The following GALNT13 variants were observed in gnomAD, a reference collection of about 807,000 sequenced individuals.
GALNT13 encodes polypeptide N-acetylgalactosaminyltransferase 13, also known as UDP-GalNAc:polypeptide N-acetylgalactosaminyltransferase 13.
GALNT13 carries 28 observed loss-of-function variants against 64.2 expected under a neutral mutation model. That is an observed-to-expected ratio of 0.44 (90% confidence interval 0.32 to 0.60). The LOEUF is 0.60. Among genes scored for constraint, GALNT13 ranks in the 20% least tolerant of loss-of-function variants. GALNT13 has a pLI of 0.05. For synonymous variants in GALNT13, 214 were observed against 224.6 expected (o/e 0.95, Z 0.42); for missense variants, 577 against 669.8 (o/e 0.86, Z 1.53).
intron 3 of GALNT13, among the ~76,000 whole-genome samples, chr2:154,095,404 A>G (rs560172180): frequency 1.3e-5 from 2 of 152,042 alleles, no homozygotes; most frequent in South Asian, 4.1e-4. Flanking sequence ...TGATAACTGT[A>G]GTTCAATGTA....
chr2:154,211,403 G>A (rs932564645), intron 4 of GALNT13, among the ~76,000 whole-genome samples: 3 of 151,928 alleles, frequency 2.0e-5, no homozygotes, highest in Admixed American at 6.6e-5. Context: ...GAGGTGGGCA[G>A]ATCACCTGAG....
chr2:153,178,063 T>C, the GALNT13 span, among the ~76,000 whole-genome samples: 2 of 152,190 alleles, frequency 1.3e-5, no homozygotes, highest in Non-Finnish European at 2.9e-5. Context: ...AAAGACTGAA[T>C]GGTATTTAAT....
At chr2:153,162,697 T>C in the GALNT13 span, among the ~76,000 whole-genome samples, 1 of 152,216 alleles carries the variant, frequency 6.6e-6, no homozygotes, top group Non-Finnish European at 1.5e-5. Flanking sequence ...GACGATGCCA[T>C]TGTTCCAGGA....
the GALNT13 span, among the ~76,000 whole-genome samples, chr2:153,369,480 T>C: frequency 3.3e-5 from 5 of 152,122 alleles, no homozygotes; most frequent in African/African-American, 9.7e-5. Context: ...GAAAATATCA[T>C]TGCAGACATA....
chr2:153,597,109 T>A, the GALNT13 span, among the ~76,000 whole-genome samples: 1 of 152,268 alleles, frequency 6.6e-6, no homozygotes, highest in African/African-American at 2.4e-5. Flanking sequence ...AAAAGGTTTC[T>A]AGGCTTCTAC....
the GALNT13 span, among the ~76,000 whole-genome samples, chr2:153,720,782 G>A: frequency 6.3e-4 from 93 of 148,112 alleles, no homozygotes; most frequent in Non-Finnish European, 1.3e-3. Context: ...AAAGAAATGA[G>A]CAAAGCCTCC....
the GALNT13 span, among the ~76,000 whole-genome samples, chr2:153,402,689 T>C: frequency 7.0e-4 from 106 of 152,300 alleles, no homozygotes; most frequent in African/African-American, 2.5e-3. Flanking sequence ...CATCTTCCAT[T>C]GCTGATACCC....
the GALNT13 span, among the ~76,000 whole-genome samples, chr2:153,764,409 G>T: frequency 6.6e-6 from 1 of 152,138 alleles, no homozygotes; most frequent in African/African-American, 2.4e-5. Flanking sequence ...GTTGGCACAT[G>T]CCTGTAATCC....
At chr2:153,589,466 C>T in the GALNT13 span, among the ~76,000 whole-genome samples, 4 of 152,164 alleles carry the variant, frequency 2.6e-5, no homozygotes, top group Non-Finnish European at 5.9e-5. Context: ...TTACCCAGTT[C>T]CAATGTTGCT....
the GALNT13 span, among the ~76,000 whole-genome samples, chr2:153,330,997 A>G: frequency 0.018 from 2,802 of 152,266 alleles, 87 homozygotes; most frequent in African/African-American, 0.064. Flanking sequence ...GGAATATTCA[A>G]TTATATTGAA....
intron 8 of GALNT13, among the ~76,000 whole-genome samples, chr2:154,298,071 G>A (rs954465508): frequency 6.6e-6 from 1 of 151,916 alleles, no homozygotes; most frequent in African/African-American, 2.4e-5. Context: ...TGGCATGCAG[G>A]TCCTATGTAA....
At chr2:154,089,615 C>T (rs966366239) in intron 3 of GALNT13, among the ~76,000 whole-genome samples, 22 of 152,002 alleles carry the variant, frequency 1.4e-4, no homozygotes, top group Admixed American at 3.9e-4. Context: ...TAGGAATGGA[C>T]GGATAGGGAG....
chr2:153,506,725 T>G, the GALNT13 span, among the ~76,000 whole-genome samples: 1 of 152,322 alleles, frequency 6.6e-6, no homozygotes, highest in African/African-American at 2.4e-5. Context: ...CTCTTATAGG[T>G]TTTCCTTTAT....
chr2:153,806,314 A>G, the GALNT13 span, among the ~76,000 whole-genome samples: 2 of 152,232 alleles, frequency 1.3e-5, no homozygotes, highest in African/African-American at 4.8e-5. Context: ...TTGTACTTTA[A>G]TAAGGATAAT....
the GALNT13 span, among the ~76,000 whole-genome samples, chr2:153,779,154 A>T: frequency 6.6e-6 from 1 of 152,192 alleles, no homozygotes; most frequent in African/African-American, 2.4e-5. Flanking sequence ...AGATGGGCAC[A>T]TATCCAGGAC....
At chr2:153,253,165 C>T in the GALNT13 span, among the ~76,000 whole-genome samples, 1 of 150,788 alleles carries the variant, frequency 6.6e-6, no homozygotes, top group Non-Finnish European at 1.5e-5. Flanking sequence ...TTGTAGTTCT[C>T]CTTGAAGAGG....
At chr2:153,345,778 TC>T in the GALNT13 span, among the ~76,000 whole-genome samples, 28 of 81,616 alleles carry the variant, frequency 3.4e-4, no homozygotes, top group African/African-American at 5.7e-4. Flanking sequence ...TCCTTCTTTC[TC>T]TCTTTCTCTC....
the GALNT13 span, among the ~76,000 whole-genome samples, chr2:153,358,973 TATACAA>T: frequency 6.6e-6 from 1 of 152,340 alleles, no homozygotes; most frequent in South Asian, 2.1e-4. Context: ...TTTCCTATTT[TATACAA>T]ATGGTATATT....
At chr2:153,186,352 C>T in the GALNT13 span, among the ~76,000 whole-genome samples, 7 of 151,966 alleles carry the variant, frequency 4.6e-5, no homozygotes, top group African/African-American at 1.7e-4. Flanking sequence ...TGTGTCTTTA[C>T]CCATGAAATA....
Sources: gnomAD v4.1 joint callset for allele counts (sites outside exome capture counted in the v4.1 genomes callset) on GRCh38, gnomAD v4.1.1 for gene constraint, MANE v1.5 for transcripts, NCBI Gene and HGNC (gene_info 2026-07-23, HGNC 2026-07-21) for gene names.